The following SAMD5 variants were observed in gnomAD, a reference collection of about 807,000 sequenced individuals.
SAMD5 encodes the protein sterile alpha motif domain containing 5, also known as sterile alpha motif domain-containing protein 5.
SAMD5 carries 13 observed loss-of-function variants against 11.3 expected under a neutral mutation model. That is an observed-to-expected ratio of 1.15 (90% CI 0.75 to 1.83). The LOEUF is 1.83. Among genes scored for constraint, SAMD5 ranks in the 40% most tolerant of loss-of-function variants. The pLI is 0.00. For missense variants in SAMD5, 255 were observed against 239.1 expected, an observed-to-expected ratio of 1.07 and a Z score of -0.44; for synonymous variants, 129 against 111.3, an observed-to-expected ratio of 1.16 and a Z score of -1.00.
chr6:147,740,468 T>C (rs1045568544), downstream of SAMD5, among the ~76,000 whole-genome samples: 18 of 152,230 alleles, frequency 1.2e-4, no homozygotes, highest in Admixed American at 1.1e-3. Flanking sequence ...TACTTACGCA[T>C]AGGATTCCAA....
chr6:147,706,010 T>G (rs1428473870), intron 1 of SAMD5, among the ~76,000 whole-genome samples: 1 of 152,184 alleles, frequency 6.6e-6, no homozygotes, highest in Non-Finnish European at 1.5e-5. Context: ...ATATTTATTT[T>G]TTAACAATCC....
At chr6:147,704,116 C>T (rs1005771153) in intron 1 of SAMD5, among the ~76,000 whole-genome samples, 4 of 152,060 alleles carry the variant, frequency 2.6e-5, no homozygotes, top group South Asian at 2.1e-4. Flanking sequence ...AGGATGGTCT[C>T]GATCTCCTGA....
chr6:147,664,629 C>T (rs911800586), intron 1 of SAMD5, among the ~76,000 whole-genome samples: 1 of 152,066 alleles, frequency 6.6e-6, no homozygotes, highest in Non-Finnish European at 1.5e-5. Context: ...AATAAAAACA[C>T]AAATCTAGAA....
chr6:147,640,196 C>T (rs1216824283), intron 1 of SAMD5, among the ~76,000 whole-genome samples: 1 of 151,628 alleles, frequency 6.6e-6, no homozygotes, highest in Non-Finnish European at 1.5e-5. Flanking sequence ...TGTGGTGGCA[C>T]GTGCCTGTGG....
chr6:147,923,631 AC>A, the SAMD5 span, among the ~76,000 whole-genome samples: 3 of 152,218 alleles, frequency 2.0e-5, no homozygotes, highest in African/African-American at 7.2e-5. Context: ...TCAGAAACCT[AC>A]CCTGGATGTA....
rs867883225 is a variant in SAMD5 at position 147,563,925 on chromosome 6, A to G, written c.460-469A>G. Among the ~76,000 whole-genome samples the G allele has an allele frequency of 5.9e-5, 9 of 152,338 alleles. No individual in the cohort carries two copies. The South Asian group carries it at 1.7e-3, about 28-fold the overall frequency. On this transcript the variant is annotated intron_variant, in intron 1 of 1. Coordinates refer to ENST00000367474, the MANE Select transcript of SAMD5 (RefSeq NM_001030060.3). ...ATTTTTACTTTGGAAGATGCATTTC[A>G]AACTAGCACTTGCAGCTACAAGTTG...
chr6:147,761,016 A>C, the SAMD5 span, among the ~76,000 whole-genome samples: 49 of 152,354 alleles, frequency 3.2e-4, no homozygotes, highest in African/African-American at 1.1e-3. Flanking sequence ...AAACCCCTTT[A>C]AAATTCTTTT....
chr6:147,864,757 A>G, the SAMD5 span, among the ~76,000 whole-genome samples: 1 of 152,208 alleles, frequency 6.6e-6, no homozygotes, highest in African/African-American at 2.4e-5. Context: ...TCCTAGAGAG[A>G]AAGATGGTTA....
At chr6:147,725,910 G>A (rs915066613) in intron 1 of SAMD5, among the ~76,000 whole-genome samples, 1 of 152,100 alleles carries the variant, frequency 6.6e-6, no homozygotes, top group African/African-American at 2.4e-5. Flanking sequence ...TTACCTGAAG[G>A]GGCTATTAAC....
the SAMD5 span, among the ~76,000 whole-genome samples, chr6:147,821,052 C>T: frequency 3.9e-5 from 6 of 152,326 alleles, no homozygotes; most frequent in Non-Finnish European, 8.8e-5. Context: ...CATGTAACTG[C>T]AGTGCCAGGC....
the SAMD5 span, among the ~76,000 whole-genome samples, chr6:147,857,620 G>C: frequency 6.7e-6 from 1 of 149,322 alleles, no homozygotes; most frequent in South Asian, 2.1e-4. Context: ...ACTGTACTTT[G>C]GCATAAATTG....
At chr6:147,737,352 C>T (rs953492017) in exon 2 of SAMD5, 24 of 1,262,374 alleles carry the variant, frequency 1.9e-5, no homozygotes, top group Middle Eastern at 4.4e-4. Flanking sequence ...AAGTAATTTG[C>T]GTGCTGTTTA....
At chr6:147,875,132 T>A in the SAMD5 span, among the ~76,000 whole-genome samples, 2 of 152,220 alleles carry the variant, frequency 1.3e-5, no homozygotes, top group African/African-American at 4.8e-5. Flanking sequence ...AATTCTCTCA[T>A]GATTAGAAAG....
At chr6:147,538,105 T>A (rs577041033) in intron 1 of SAMD5, among the ~76,000 whole-genome samples, 1 of 152,288 alleles carries the variant, frequency 6.6e-6, no homozygotes, top group Admixed American at 6.5e-5. Context: ...CATCAAATAG[T>A]AGATTAATTT....
chr6:147,635,210 G>A (rs183009111), intron 1 of SAMD5, among the ~76,000 whole-genome samples: 13 of 142,858 alleles, frequency 9.1e-5, no homozygotes, highest in South Asian at 2.6e-4. Context: ...TACCCTCATC[G>A]CCGTCATCAC....
At position 147,528,908 on chromosome 6, in the gene SAMD5, A is replaced by G. The variant is rs187381673; in HGVS notation, c.459+19521A>G. Among the ~76,000 whole-genome samples, 12 of 152,366 alleles carry G rather than the reference A, an allele frequency of 7.9e-5. No homozygotes were observed. In the East Asian group the frequency reaches 2.1e-3, roughly 27 times the overall value. On this transcript the variant is annotated intron_variant, in intron 1 of 1. Coordinates refer to ENST00000367474, the MANE Select transcript of SAMD5 (RefSeq NM_001030060.3). ...AAACAAGGGCCAAACAGTACCATTG[A>G]TGAAATAAATCTCAGACTCCCAATT...
At chr6:147,774,706 GTTATA>G in the SAMD5 span, among the ~76,000 whole-genome samples, 1 of 151,704 alleles carries the variant, frequency 6.6e-6, no homozygotes, top group African/African-American at 2.4e-5. Context: ...TATTTTTATT[GTTATA>G]TTGTTATTTT....
At chr6:147,723,850 A>G (rs1382894388) in intron 1 of SAMD5, among the ~76,000 whole-genome samples, 1 of 152,104 alleles carries the variant, frequency 6.6e-6, no homozygotes, top group Non-Finnish European at 1.5e-5. Context: ...AAAATGTATA[A>G]TTTTGTAGGT....
chr6:147,909,410 G>A, the SAMD5 span, among the ~76,000 whole-genome samples: 1 of 152,154 alleles, frequency 6.6e-6, no homozygotes, highest in Non-Finnish European at 1.5e-5. Context: ...TTACATGGTA[G>A]TTTCTGAAAA....
Sources: gnomAD v4.1 joint callset for allele counts (sites outside exome capture counted in the v4.1 genomes callset) on GRCh38, gnomAD v4.1.1 for gene constraint, MANE v1.5 for transcripts, NCBI Gene and HGNC (gene_info 2026-07-23, HGNC 2026-07-21) for gene names.